COP1: variants seen among roughly 807,000 people sequenced by gnomAD.
COP1 encodes the protein E3 ubiquitin-protein ligase COP1.
COP1 carries 24 observed loss-of-function variants against 101.3 expected under a neutral mutation model. The observed-to-expected ratio is 0.24, with a 90% CI of 0.17 to 0.33. COP1 has a LOEUF of 0.33. Ranked by LOEUF, COP1 falls within the 10% of genes least tolerant of loss-of-function variation. COP1 has a pLI of 1.00. For missense variants in COP1, 663 were observed against 906.2 expected (o/e 0.73, Z 3.45); for synonymous variants, 347 against 341.9 (o/e 1.01, Z -0.17).
intron 9 of COP1, among the ~76,000 whole-genome samples, chr1:176,102,461 C>T (rs1055247148): frequency 2.0e-5 from 3 of 152,166 alleles, no homozygotes; most frequent in African/African-American, 7.2e-5. Context: ...GAAACTGCCA[C>T]TGCAAAATTA....
chr1:176,154,307 CAA>C (rs1168859452), intron 5 of COP1, among the ~76,000 whole-genome samples: 4 of 152,086 alleles, frequency 2.6e-5, no homozygotes, highest in African/African-American at 9.7e-5. Flanking sequence ...CAAAGGAATA[CAA>C]ATCCTTGCAT....
chr1:176,004,927 G>A lies in COP1; in HGVS notation c.1730-15448C>T, dbSNP rs557397130. Among the ~76,000 whole-genome samples, 987 of 151,592 alleles carry A rather than the reference G, an allele frequency of 6.5e-3. 14 individuals are homozygous for A. Among genetic ancestry groups the A allele is most frequent in the African/African-American group, 0.022 (898 of 41,442 alleles). On this transcript the variant is annotated intron_variant, in intron 15 of 19. Coordinates refer to ENST00000367669, the MANE Select transcript of COP1 (RefSeq NM_022457.7). ...GATTGGAATAGTTTCAGAAGGAATG[G>A]TACCAGTTCCTCCTTGTACCTCTGG... is the stretch of plus-strand genomic sequence containing the variant.
rs533284909 is a variant in COP1, at chr1:176,109,403, C to A, written c.1026+7221G>T. Among the ~76,000 whole-genome samples, 382 of 152,290 alleles carry A rather than the reference C, an allele frequency of 2.5e-3. 2 individuals are homozygous for A. The highest frequency in any genetic ancestry group is 9.0e-3 in the African/African-American group (373 of 41,572). On this transcript the variant is annotated intron_variant, in intron 9 of 19. Coordinates refer to ENST00000367669, the MANE Select transcript of COP1 (RefSeq NM_022457.7). ...TTTAATCTCTCCTTTCACCACTGATCTACATGACCACCTTTATCACAGACT... is the reference window on the plus strand; with the variant it reads ...TTTAATCTCTCCTTTCACCACTGATATACATGACCACCTTTATCACAGACT...
chr1:175,989,935 C>T (rs1374492924), intron 15 of COP1, among the ~76,000 whole-genome samples: 4 of 152,048 alleles, frequency 2.6e-5, no homozygotes, highest in Non-Finnish European at 5.9e-5. Flanking sequence ...TTCTGCACTC[C>T]GATAAGATCA....
intron 9 of COP1, among the ~76,000 whole-genome samples, chr1:176,110,349 A>G (rs1685070620): frequency 6.6e-6 from 1 of 152,058 alleles, no homozygotes; most frequent in African/African-American, 2.4e-5. Flanking sequence ...CTCATCTTCT[A>G]TTTTTATCTC....
At chr1:176,203,823 C>T (rs1381041403) in intron 1 of COP1, among the ~76,000 whole-genome samples, 2 of 152,072 alleles carry the variant, frequency 1.3e-5, no homozygotes. Context: ...TCAGGAGAGG[C>T]CAATGTTTAT....
rs149717977 is a variant in COP1, at chr1:175,945,235, C to T, written c.2179-65G>A. 351 of 1,169,880 alleles carry T rather than the reference C, an allele frequency of 3.0e-4. 4 individuals carry two copies. In the East Asian group the frequency reaches 8.3e-3, roughly 28 times the overall value. 72.5% of individuals were successfully genotyped at this position (1,169,880 alleles called of 1,614,324 possible). On this transcript the variant is annotated intron_variant, in intron 19 of 19. Transcript: ENST00000367669. ...TTAAGATATAAAAGGAATTTAATGA[C>T]TCTTTACTATATTTACCAATAGAAA... is the stretch of plus-strand genomic sequence containing the variant.
At chr1:176,108,033 AT>A (rs66995652) in intron 9 of COP1, among the ~76,000 whole-genome samples, 134,191 of 148,494 alleles carry the variant, frequency 0.9, 61,352 homozygotes, top group East Asian at 1. Context: ...CCTGGACCAG[AT>A]TTTTTTTTTT....
At chr1:176,004,929 A>G (rs904971586) in intron 15 of COP1, among the ~76,000 whole-genome samples, 1 of 151,666 alleles carries the variant, frequency 6.6e-6, no homozygotes, top group African/African-American at 2.4e-5. Context: ...AAGGAATGGT[A>G]CCAGTTCCTC....
chr1:176,042,468 C>T (rs1209323534), intron 14 of COP1, among the ~76,000 whole-genome samples: 5 of 145,602 alleles, frequency 3.4e-5, no homozygotes, highest in African/African-American at 1.3e-4. Flanking sequence ...GAGGGTGAGG[C>T]AGGAGAATCG....
intron 8 of COP1, among the ~76,000 whole-genome samples, chr1:176,133,656 T>C (rs2149720221): frequency 6.6e-6 from 1 of 151,954 alleles, no homozygotes; most frequent in South Asian, 2.1e-4. Context: ...AGCAATTAAG[T>C]AAATGCACCG....
intron 8 of COP1, among the ~76,000 whole-genome samples, chr1:176,116,902 C>CA (rs1385976026): frequency 2.0e-5 from 3 of 151,962 alleles, no homozygotes; most frequent in African/African-American, 7.3e-5. Flanking sequence ...ACATATAAAC[C>CA]AAGAAATAAT....
intron 1 of COP1, among the ~76,000 whole-genome samples, chr1:176,193,129 A>G (rs1699292936): frequency 6.6e-6 from 1 of 152,102 alleles, no homozygotes; most frequent in Non-Finnish European, 1.5e-5. Flanking sequence ...TGAAAACACA[A>G]CCTTTAAAGA....
At chr1:176,074,067 C>CA (rs2149362374) in intron 11 of COP1, among the ~76,000 whole-genome samples, 1 of 152,228 alleles carries the variant, frequency 6.6e-6, no homozygotes, top group East Asian at 1.9e-4. Flanking sequence ...GCTGGGATTA[C>CA]AGGCATACGC....
rs151083185 is a variant in COP1 at position 175,951,708 on chromosome 1, G to A, written c.2134-4469C>T. On this transcript the variant is annotated intron_variant, in intron 18 of 19. Transcript: ENST00000367669. ...ACATAACAACAGATGAGACAAGTGAGGAATAAAACATCAAAAAATTTGGTA... is the reference window on the plus strand; with the variant it reads ...ACATAACAACAGATGAGACAAGTGAAGAATAAAACATCAAAAAATTTGGTA... Among the ~76,000 whole-genome samples the A allele has an allele frequency of 2.6e-3, 395 of 151,592 alleles. 3 individuals are homozygous for A. The highest frequency in any genetic ancestry group is 9.1e-3 in the African/African-American group (377 of 41,308).
At chr1:176,071,402 G>A (rs1357976612) in intron 11 of COP1, among the ~76,000 whole-genome samples, 1 of 151,962 alleles carries the variant, frequency 6.6e-6, no homozygotes, top group Admixed American at 6.6e-5. Flanking sequence ...ACCCAGTCTC[G>A]GGTATTTCTT....
In COP1 at chr1:176,138,699, T is replaced by C. The variant is rs950759144; in HGVS notation, c.832-2152A>G. Among the ~76,000 whole-genome samples, 9 of 152,126 alleles carry C rather than the reference T, an allele frequency of 5.9e-5. No individual in the cohort carries two copies. In the South Asian group the frequency reaches 8.3e-4, roughly 14 times the overall value. ...AACAATTAGTCTTCCACCCTAAAAT[T>C]AGTTTTCCACCATAACATAAAAACC... is the stretch of plus-strand genomic sequence containing the variant. On this transcript the variant is annotated intron_variant, in intron 6 of 19. Coordinates refer to ENST00000367669, the MANE Select transcript of COP1 (RefSeq NM_022457.7).
At chr1:176,183,226 T>C (rs1041341264) in intron 2 of COP1, among the ~76,000 whole-genome samples, 1 of 152,184 alleles carries the variant, frequency 6.6e-6, no homozygotes, top group African/African-American at 2.4e-5. Flanking sequence ...CCCATACTCT[T>C]CATGATGAAG....
Position 176,161,675 on chromosome 1 carries a change from A to G in COP1, c.762+1194T>C, listed in dbSNP as rs1300294507. Among the ~76,000 whole-genome samples the G allele has an allele frequency of 2.6e-5, 4 of 152,284 alleles. No individual in the cohort carries two copies. In the South Asian group the frequency reaches 8.3e-4, roughly 32 times the overall value. Reference sequence around the variant, plus strand: ...ACCTGCTTTACTGATTTAGTTCACAAACACACACATACAGCAGAACTCTAG... The same window carrying G: ...ACCTGCTTTACTGATTTAGTTCACAGACACACACATACAGCAGAACTCTAG... On this transcript the variant is annotated intron_variant, in intron 5 of 19. Coordinates refer to ENST00000367669, the MANE Select transcript of COP1 (RefSeq NM_022457.7).
Sources: allele counts gnomAD v4.1 joint callset (sites outside exome capture counted in the v4.1 genomes callset), GRCh38; gene constraint gnomAD v4.1.1; transcripts MANE v1.5; gene names NCBI Gene and HGNC (gene_info 2026-07-23, HGNC 2026-07-21).